Variants in DHRSX observed in about 807,000 individuals in gnomAD.
DHRSX encodes dehydrogenase/reductase X-linked, also known as polyprenol dehydrogenase.
Under a neutral mutation model 34.0 loss-of-function variants are expected in DHRSX, and 31 were observed. The observed-to-expected ratio is 0.91, with a 90% confidence interval of 0.69 to 1.23. The LOEUF is 1.23. Among genes scored for constraint, DHRSX ranks in the 50% most tolerant of loss-of-function variants. The pLI is 0.00. For synonymous variants in DHRSX, 201 were observed against 183.8 expected, an observed-to-expected ratio of 1.09 and a Z score of -0.76; for missense variants, 414 against 428.1, an observed-to-expected ratio of 0.97 and a Z score of 0.29.
At chrX:2,489,202 G>C in intron 1 of DHRSX, 2 of 1,613,774 alleles carry the variant, frequency 1.2e-6, no homozygotes, top group African/African-American at 1.3e-5. Flanking sequence ...CTTTGACCTT[G>C]TCCAGCAGGC....
At chrX:2,406,020 G>A (rs1341284687) in intron 3 of DHRSX, among the ~76,000 whole-genome samples, 17 of 152,082 alleles carry the variant, frequency 1.1e-4, no homozygotes, top group African/African-American at 3.1e-4. Context: ...TCGGCCGGGT[G>A]CAGTGGCTCA....
At chrX:2,354,682 G>T (rs1489597899) in intron 3 of DHRSX, among the ~76,000 whole-genome samples, 1 of 152,004 alleles carries the variant, frequency 6.6e-6, no homozygotes, top group Non-Finnish European at 1.5e-5. Flanking sequence ...GGCTGGTCTC[G>T]AACTCCTGAC....
At chrX:2,489,537 C>T (rs1325399040) in intron 1 of DHRSX, 1 of 1,612,872 alleles carries the variant, frequency 6.2e-7, no homozygotes, top group Non-Finnish European at 8.5e-7. Context: ...ACCAGCCCCT[C>T]GATGGTGGCC....
chrX:2,368,865 C>T (rs2043024831), intron 3 of DHRSX, among the ~76,000 whole-genome samples: 1 of 151,918 alleles, frequency 6.6e-6, no homozygotes, highest in Non-Finnish European at 1.5e-5. Context: ...AATAAATAAC[C>T]CGGGAGGTGG....
In DHRSX at chrX:2,291,601, C is replaced by T; in HGVS notation, c.289G>A (p.Glu97Lys). Residue 97 changes from glutamate (E) to lysine (K), a missense_variant and splice_region_variant, in exon 4 of 7, where the codon GAA (glutamate) becomes AAA (lysine). Transcript: ENST00000334651. Reference protein sequence around the residue: ...IKEETLNDKVEFLYCDLASMT... With the variant: ...IKEETLNDKVKFLYCDLASMT... ...GAAGCCAAGTCACAGTATAAAAATT[C>T]CACTGGAAAAGGACAACAACAAAAA... The T allele has an allele frequency of 6.2e-7, 1 of 1,613,244 alleles. No individual in the cohort carries two copies. Among genetic ancestry groups the T allele is most frequent in the Non-Finnish European group, 8.5e-7 (1 of 1,179,234 alleles).
At chrX:2,490,639 C>T (rs200054781) in intron 1 of DHRSX, 5 of 1,613,978 alleles carry the variant, frequency 3.1e-6, no homozygotes, top group Admixed American at 1.7e-5. Flanking sequence ...AGCCGAAATA[C>T]TTCCACACCT....
At chrX:2,248,642 AG>A (rs2016359587) in intron 5 of DHRSX, among the ~76,000 whole-genome samples, 1 of 104,268 alleles carries the variant, frequency 9.6e-6, no homozygotes, top group Non-Finnish European at 2.8e-5. Flanking sequence ...AGAAAAGAAA[AG>A]AAAAAGAAAG....
intron 1 of DHRSX, among the ~76,000 whole-genome samples, chrX:2,452,247 A>C (rs1159588371): frequency 6.6e-6 from 1 of 151,800 alleles, no homozygotes; most frequent in African/African-American, 2.4e-5. Flanking sequence ...CCATGTGCAC[A>C]TTGAAGACGT....
chrX:2,254,726 A>T (rs2041252458), intron 5 of DHRSX, among the ~76,000 whole-genome samples: 1 of 151,430 alleles, frequency 6.6e-6, no homozygotes, highest in Non-Finnish European at 1.5e-5. Context: ...GGCTCACTGC[A>T]ATCTCCGCCT....
chrX:2,473,699 C>A (rs113599886), intron 1 of DHRSX, among the ~76,000 whole-genome samples: 2 of 124,118 alleles, frequency 1.6e-5, no homozygotes, highest in African/African-American at 7.7e-5. Context: ...CCCCGGGCCC[C>A]GGAAATGCAC....
chrX:2,274,657 C>T (rs2041600876), intron 4 of DHRSX, among the ~76,000 whole-genome samples: 1 of 150,888 alleles, frequency 6.6e-6, no homozygotes, highest in African/African-American at 2.4e-5. Context: ...TCTCGAACTC[C>T]TGACCCCAAG....
At chrX:2,277,255 GAA>G (rs1227811890) in intron 4 of DHRSX, among the ~76,000 whole-genome samples, 2 of 12,440 alleles carry the variant, frequency 1.6e-4, no homozygotes, top group East Asian at 2.1e-3. Context: ...GGGAAAGAGA[GAA>G]AGAGAGATGG....
intron 1 of DHRSX, among the ~76,000 whole-genome samples, chrX:2,481,110 A>G (rs2044763622): frequency 6.6e-6 from 1 of 152,206 alleles, no homozygotes. Context: ...TAATATGGTA[A>G]CCAGCTTGAT....
intron 3 of DHRSX, among the ~76,000 whole-genome samples, chrX:2,406,872 T>C (rs1281636655): frequency 1.3e-5 from 2 of 152,064 alleles, no homozygotes; most frequent in Admixed American, 6.6e-5. Flanking sequence ...CCTCAAATCA[T>C]TAAAAATAAA....
At chrX:2,316,728 T>C (rs1421784378) in intron 3 of DHRSX, among the ~76,000 whole-genome samples, 1 of 152,214 alleles carries the variant, frequency 6.6e-6, no homozygotes, top group Admixed American at 6.6e-5. Flanking sequence ...ATTGGAATGC[T>C]AAGCATGTGG....
intron 1 of DHRSX, chrX:2,487,145 G>A (rs2044961355): frequency 6.6e-6 from 1 of 152,196 alleles, no homozygotes; most frequent in Non-Finnish European, 1.5e-5. Flanking sequence ...TTCCCTGAAT[G>A]ACTGAAAGCA....
chrX:2,295,395 G>A (rs1416650698), intron 3 of DHRSX, among the ~76,000 whole-genome samples: 1 of 151,972 alleles, frequency 6.6e-6, no homozygotes, highest in African/African-American at 2.4e-5. Context: ...TGGACACAGG[G>A]AGGGGAACAT....
intron 1 of DHRSX, among the ~76,000 whole-genome samples, chrX:2,428,943 ATTTGTCAGCCCG>A (rs1227382768): frequency 1.3e-5 from 2 of 152,038 alleles, no homozygotes; most frequent in Non-Finnish European, 2.9e-5. Flanking sequence ...ATAATCTGTT[ATTTGTCAGCCCG>A]TACATTTCGT....
chrX:2,438,959 A>C (rs1449842086), intron 1 of DHRSX, among the ~76,000 whole-genome samples: 2 of 151,978 alleles, frequency 1.3e-5, no homozygotes, highest in Admixed American at 1.3e-4. Flanking sequence ...AGCCTGGCCA[A>C]CATGGTAAAA....
Sources: allele counts gnomAD v4.1 joint callset (sites outside exome capture counted in the v4.1 genomes callset), GRCh38; gene constraint gnomAD v4.1.1; transcripts MANE v1.5; gene names NCBI Gene and HGNC (gene_info 2026-07-23, HGNC 2026-07-21).